The following FMN1 variants were observed in gnomAD, a reference collection of about 807,000 sequenced individuals.
FMN1 encodes the protein formin-1.
A neutral mutation model predicts 132.4 loss-of-function variants in FMN1; 110 were observed. The observed-to-expected ratio is 0.83, with a 90% CI of 0.71 to 0.97. The LOEUF is 0.97. FMN1 is among the 50% of genes least tolerant of loss of function. FMN1 has a pLI of 0.00. For missense variants in FMN1, 1,792 were observed against 1,705.3 expected (o/e 1.05, Z -0.90); for synonymous variants, 722 against 651.7 (o/e 1.11, Z -1.64).
chr15:32,784,533 C>CTTAAATCAGT (rs1454900648), intron 19 of FMN1, among the ~76,000 whole-genome samples: 1 of 152,078 alleles, frequency 6.6e-6, no homozygotes, highest in Non-Finnish European at 1.5e-5. Context: ...AGGTAGACAA[C>CTTAAATCAGT]TGATTTAAGA....
At position 33,040,360 on chromosome 15, in the gene FMN1, C is replaced by T. The variant is rs968124337; in HGVS notation, c.2161+24597G>A. ...TTGAACTTATTTGTGTATTTGTAAA[C>T]ATTCCACCTCTCCCAACCCTACTCT... On this transcript the variant is annotated intron_variant, in intron 6 of 20. Transcript: ENST00000616417. Among the ~76,000 whole-genome samples, 6 of 152,302 alleles carry T rather than the reference C, an allele frequency of 3.9e-5. No individual in the cohort carries two copies. The South Asian group carries it at 1.2e-3, about 32-fold the overall frequency.
At chr15:32,890,148 TCA>T (rs1491006779) in intron 15 of FMN1, among the ~76,000 whole-genome samples, 4 of 152,000 alleles carry the variant, frequency 2.6e-5, no homozygotes, top group Admixed American at 1.3e-4. Flanking sequence ...TATATATATA[TCA>T]GTTTCTTTAA....
chr15:32,777,399 T>C (rs958459965), intron 19 of FMN1, among the ~76,000 whole-genome samples: 1 of 140,642 alleles, frequency 7.1e-6, no homozygotes, highest in African/African-American at 2.5e-5. Flanking sequence ...TATAAATATA[T>C]GTATTTTTCA....
At chr15:32,969,837 C>G (rs948687848) in intron 7 of FMN1, among the ~76,000 whole-genome samples, 2 of 152,098 alleles carry the variant, frequency 1.3e-5, no homozygotes, top group East Asian at 3.9e-4. Flanking sequence ...TGTTTTACAA[C>G]TTTTCGGGTT....
chr15:32,995,063 A>C (rs938792326), intron 7 of FMN1, among the ~76,000 whole-genome samples: 2 of 152,104 alleles, frequency 1.3e-5, no homozygotes, highest in African/African-American at 4.8e-5. Context: ...ATGACTCCTA[A>C]AGTAATTGTA....
At chr15:33,068,062 G>A (rs1157086757) in intron 5 of FMN1, 4 of 1,420,742 alleles carry the variant, frequency 2.8e-6, no homozygotes, top group Non-Finnish European at 3.7e-6. Flanking sequence ...CCCTCCTTCC[G>A]GTTTGTGCGA....
intron 6 of FMN1, among the ~76,000 whole-genome samples, chr15:33,057,348 A>AT (rs913865694): frequency 1.3e-5 from 2 of 152,232 alleles, no homozygotes; most frequent in African/African-American, 4.8e-5. Flanking sequence ...TCACTTTGCT[A>AT]TAACTCAGAG....
chr15:32,848,993 T>TTTTTTTTTTTTTTTTTTG, intron 17 of FMN1, among the ~76,000 whole-genome samples: 1 of 141,838 alleles, frequency 7.1e-6, no homozygotes, highest in Admixed American at 7.0e-5. Flanking sequence ...TTTTTTTTTT[T>TTTTTTTTTTTTTTTTTTG]TTTTTTCAGA....
intron 12 of FMN1, among the ~76,000 whole-genome samples, chr15:32,904,404 T>G (rs534562079): frequency 6.6e-6 from 1 of 152,364 alleles, no homozygotes; most frequent in South Asian, 2.1e-4. Flanking sequence ...TGAAGGGTTC[T>G]AAACAGGAAG....
At chr15:33,187,068 C>T (rs1469176366) in intron 2 of FMN1, among the ~76,000 whole-genome samples, 1 of 152,096 alleles carries the variant, frequency 6.6e-6, no homozygotes, top group Non-Finnish European at 1.5e-5. Flanking sequence ...GGGTCATTCC[C>T]AGAGAAAAGA....
At chr15:32,787,159 C>G (rs895472361) in intron 19 of FMN1, among the ~76,000 whole-genome samples, 1 of 152,124 alleles carries the variant, frequency 6.6e-6, no homozygotes, top group Non-Finnish European at 1.5e-5. Flanking sequence ...AAAAAAACAA[C>G]AACAAACTCA....
chr15:32,869,252 G>T (rs1389655399), intron 16 of FMN1, among the ~76,000 whole-genome samples: 1 of 152,156 alleles, frequency 6.6e-6, no homozygotes, highest in African/African-American at 2.4e-5. Context: ...GTGCGTAGGG[G>T]AGAAAAGCTT....
At chr15:33,134,477 C>G (rs953257596) in intron 4 of FMN1, among the ~76,000 whole-genome samples, 5 of 152,168 alleles carry the variant, frequency 3.3e-5, no homozygotes, top group Non-Finnish European at 5.9e-5. Context: ...AACAAGTTCT[C>G]TAGCTGCCTC....
At chr15:33,016,528 AGTG>A (rs535142308) in intron 6 of FMN1, among the ~76,000 whole-genome samples, 25 of 152,320 alleles carry the variant, frequency 1.6e-4, no homozygotes, top group Admixed American at 8.5e-4. Context: ...TGTCAGAAAC[AGTG>A]GAGGTAGATT....
intron 2 of FMN1, among the ~76,000 whole-genome samples, chr15:33,192,249 A>C (rs188610936): frequency 6.6e-6 from 1 of 152,210 alleles, no homozygotes; most frequent in East Asian, 1.9e-4. Flanking sequence ...TCAATTTTCT[A>C]TCAAGGATAT....
intron 5 of FMN1, chr15:33,066,375 A>G: frequency 1.3e-6 from 1 of 778,080 alleles, no homozygotes; most frequent in Non-Finnish European, 2.0e-6. Flanking sequence ...TTACAGGACA[A>G]TATAATTTGA....
intron 6 of FMN1, among the ~76,000 whole-genome samples, chr15:33,038,599 C>T (rs1366665801): frequency 6.6e-6 from 1 of 152,084 alleles, no homozygotes; most frequent in Non-Finnish European, 1.5e-5. Flanking sequence ...TTGCATCTAA[C>T]CTATGAAAAC....
At chr15:33,150,682 A>G in intron 4 of FMN1, 4 of 985,544 alleles carry the variant, frequency 4.1e-6, no homozygotes, top group Non-Finnish European at 4.8e-6. Flanking sequence ...TTCCAACTGG[A>G]AACAGATCTG....
intron 13 of FMN1, chr15:32,900,352 G>A: frequency 1.5e-6 from 1 of 675,928 alleles, no homozygotes; most frequent in Non-Finnish European, 2.7e-6. Context: ...AACAGTGCAT[G>A]TTTTAATACA....
Sources: allele counts gnomAD v4.1 joint callset (sites outside exome capture counted in the v4.1 genomes callset), GRCh38; gene constraint gnomAD v4.1.1; transcripts MANE v1.5; gene names NCBI Gene and HGNC (gene_info 2026-07-23, HGNC 2026-07-21).